ZNF729: variants seen among roughly 807,000 people sequenced by gnomAD.
The protein encoded by ZNF729 is zinc finger protein 729.
Under a neutral mutation model 12.2 loss-of-function variants are expected in ZNF729, and 15 were observed. The ratio of observed to expected loss-of-function variants is 1.23; its 90% CI spans 0.82 to 1.89. The LOEUF is 1.89. ZNF729 is among the 40% of genes most tolerant of loss of function. The pLI is 0.00. For synonymous variants in ZNF729, 492 were observed against 476.3 expected (o/e 1.03, Z -0.43); for missense variants, 1,540 against 1,456.7 (o/e 1.06, Z -0.93).
chr19:22,307,600 G>A lies in ZNF729; in HGVS notation c.253+2817G>A, dbSNP rs574518609. 2.3e-4 allele frequency among the ~76,000 whole-genome samples: 35 copies of A among 150,914 alleles called. No homozygotes were observed. The South Asian group carries it at 4.6e-3, about 20-fold the overall frequency. On this transcript the variant is annotated intron_variant, in intron 3 of 3. Transcript: ENST00000601693. ...CTCTACTAAAAATACAAAAGTAGCC[G>A]GGCATGGTGGTGCATGCCTGTAGTC... is the stretch of plus-strand genomic sequence containing the variant.
chr19:22,293,384 CCTTGTTGG>C (rs979488647), intron 1 of ZNF729, among the ~76,000 whole-genome samples: 66 of 151,708 alleles, frequency 4.4e-4, no homozygotes, highest in Non-Finnish European at 2.1e-4. Flanking sequence ...CAAGGTTTAA[CCTTGTTGG>C]CCAGGCTGGT....
At chr19:22,313,395 A>T (rs1022118399) in intron 3 of ZNF729, among the ~76,000 whole-genome samples, 9 of 152,204 alleles carry the variant, frequency 5.9e-5, no homozygotes, top group South Asian at 2.1e-4. Context: ...TGGTAGCAGG[A>T]AGAGCTGCAT....
intron 3 of ZNF729, among the ~76,000 whole-genome samples, chr19:22,305,430 A>G (rs910509373): frequency 1.7e-4 from 26 of 152,004 alleles, no homozygotes; most frequent in Non-Finnish European, 5.9e-5. Flanking sequence ...ATGGGGTCTC[A>G]GTGTCTGCAA....
At chr19:22,301,990 A>C (rs1160715598) in intron 1 of ZNF729, among the ~76,000 whole-genome samples, 1 of 152,310 alleles carries the variant, frequency 6.6e-6, no homozygotes, top group Admixed American at 6.5e-5. Context: ...GTCACTGGAA[A>C]CCCTCTCACA....
chr19:22,289,253 TCTCA>T (rs911323006), intron 1 of ZNF729, among the ~76,000 whole-genome samples: 4 of 149,368 alleles, frequency 2.7e-5, no homozygotes, highest in African/African-American at 1.0e-4. Flanking sequence ...TGAGACCAAG[TCTCA>T]CTCTGTCGCC....
intron 3 of ZNF729, among the ~76,000 whole-genome samples, chr19:22,311,372 G>T (rs530759664): frequency 1.5e-4 from 23 of 152,064 alleles, no homozygotes; most frequent in African/African-American, 4.6e-4. Context: ...GTATCCTAGA[G>T]GTTTTAATAA....
At chr19:22,309,905 C>A (rs1279381317) in intron 3 of ZNF729, among the ~76,000 whole-genome samples, 1 of 150,392 alleles carries the variant, frequency 6.6e-6, no homozygotes, top group Non-Finnish European at 1.5e-5. Flanking sequence ...CATAGTTTTC[C>A]TTGTAGAGAT....
chr19:22,300,217 G>T (rs1968286697), intron 1 of ZNF729, among the ~76,000 whole-genome samples: 1 of 152,172 alleles, frequency 6.6e-6, no homozygotes, highest in Non-Finnish European at 1.5e-5. Flanking sequence ...TGCATGGCTA[G>T]CCTTCCCAAT....
intron 1 of ZNF729, among the ~76,000 whole-genome samples, 152 bp downstream of exon 1, chr19:22,286,707 A>C (rs1444411045): frequency 2.0e-5 from 3 of 152,272 alleles, no homozygotes; most frequent in East Asian, 3.9e-4. Context: ...TCCTTCAGCC[A>C]TAAGATGGCG....
chr19:22,288,743 GA>G (rs111824995), intron 1 of ZNF729, among the ~76,000 whole-genome samples: 8,556 of 152,148 alleles, frequency 0.056, 771 homozygotes, highest in African/African-American at 0.2. Context: ...GGTATTGCGG[GA>G]AAAAGCATTG....
intron 3 of ZNF729, among the ~76,000 whole-genome samples, chr19:22,313,202 C>T (rs1030794051): frequency 6.6e-6 from 1 of 152,138 alleles, no homozygotes; most frequent in African/African-American, 2.4e-5. Context: ...CAGACGTGTG[C>T]CACCACATCT....
chr19:22,311,245 G>C (rs1968446846), intron 3 of ZNF729, among the ~76,000 whole-genome samples: 2 of 151,684 alleles, frequency 1.3e-5, no homozygotes, highest in South Asian at 4.2e-4. Context: ...GTTTGCGTTT[G>C]GTTTTTTCTT....
In ZNF729 at chr19:22,313,863, C is replaced by G; in HGVS notation, c.446C>G (p.Thr149Ser). 1.3e-6 allele frequency: 2 copies of G among 1,559,624 alleles called. No homozygotes were observed. The highest frequency in any genetic ancestry group is 1.7e-6 in the Non-Finnish European group (2 of 1,156,494). Residue 149 changes from threonine to serine, a missense_variant, in exon 4 of 4, where the codon ACC (threonine) becomes AGC (serine). Physicochemically the swap from Thr to Ser is moderately conservative, Grantham distance 58 (BLOSUM62 1). Transcript: ENST00000601693. ...YNKLNQCRTA[T>S]QRKIFQCNKH... ...AAACTTAACCAATGCAGGACAGCTA[C>G]CCAGAGAAAAATATTTCAGTGTAAC...
chr19:22,294,739 C>T (rs550331997), intron 1 of ZNF729, among the ~76,000 whole-genome samples: 1 of 150,768 alleles, frequency 6.6e-6, no homozygotes, highest in African/African-American at 2.4e-5. Context: ...TCACCACAAC[C>T]TCTGCCTCCT....
At chr19:22,307,222 T>G (rs1477627160) in intron 3 of ZNF729, among the ~76,000 whole-genome samples, 1 of 151,882 alleles carries the variant, frequency 6.6e-6, no homozygotes, top group African/African-American at 2.4e-5. Context: ...TTTGTGCTGA[T>G]CTTGAACTCC....
Position 22,316,250 on chromosome 19 carries a change from T to A in ZNF729, c.2833T>A (p.Phe945Ile), listed in dbSNP as rs749630614. The A allele has an allele frequency of 6.2e-7, 1 of 1,613,770 alleles. No homozygotes were observed. The highest frequency in any genetic ancestry group is 1.1e-5 in the South Asian group (1 of 91,070). ...PYKCEECGKA[F>I]NDSSTLMKHK... ...CAAATGTGAAGAATGTGGCAAAGCT[T>A]TTAATGATTCCTCAACCCTTATGAA... is the stretch of plus-strand genomic sequence containing the variant. The change falls in exon 4 of 4, where the codon TTT (phenylalanine) becomes ATT (isoleucine). Residue 945 changes from phenylalanine to isoleucine, a missense_variant. Phe to Ile is a conservative substitution (Grantham distance 21). Transcript: ENST00000601693.
intron 3 of ZNF729, among the ~76,000 whole-genome samples, chr19:22,305,547 C>A (rs1042478603): frequency 6.6e-6 from 1 of 151,884 alleles, no homozygotes; most frequent in African/African-American, 2.4e-5. Flanking sequence ...ATTATAGATT[C>A]CTGGTAAATT....
intron 3 of ZNF729, among the ~76,000 whole-genome samples, chr19:22,308,716 A>G (rs867816581): frequency 6.6e-6 from 1 of 150,866 alleles, no homozygotes; most frequent in East Asian, 2.0e-4. Flanking sequence ...TTTTGATGGG[A>G]TTGTTTTTTT....
chr19:22,294,872 G>C (rs901320207), intron 1 of ZNF729, among the ~76,000 whole-genome samples: 1 of 151,692 alleles, frequency 6.6e-6, no homozygotes, highest in Non-Finnish European at 1.5e-5. Context: ...GGCCAGGCTG[G>C]TTTCGATCTC....
Sources: allele counts gnomAD v4.1 joint callset (sites outside exome capture counted in the v4.1 genomes callset), GRCh38; gene constraint gnomAD v4.1.1; transcripts MANE v1.5; gene names NCBI Gene and HGNC (gene_info 2026-07-23, HGNC 2026-07-21).